The following CDH4 variants were observed in gnomAD, a reference collection of about 807,000 sequenced individuals.
CDH4 encodes cadherin-4.
In CDH4, 33 loss-of-function variants were observed where a neutral mutation model predicts 86.0. That is an observed-to-expected ratio of 0.38 (90% confidence interval 0.29 to 0.51). The LOEUF is 0.51. CDH4 is among the 20% of genes least tolerant of loss of function. The pLI, the probability that CDH4 is intolerant of heterozygous loss-of-function variation, is 0.86. For missense variants in CDH4, 1,114 were observed against 1,307.4 expected (o/e 0.85, Z 2.28); for synonymous variants, 555 against 549.4 (o/e 1.01, Z -0.14).
At chr20:61,538,580 T>C (rs115080312) in intron 2 of CDH4, among the ~76,000 whole-genome samples, 2,299 of 152,212 alleles carry the variant, frequency 0.015, 66 homozygotes, top group African/African-American at 0.053. Flanking sequence ...GCCTCCTGGG[T>C]GGATGCAGTG....
At chr20:61,386,275 C>T (rs1362071663) in intron 2 of CDH4, among the ~76,000 whole-genome samples, 12 of 152,284 alleles carry the variant, frequency 7.9e-5, no homozygotes, top group Admixed American at 2.6e-4. Context: ...CAAAACCTCT[C>T]GGTCTCCTCC....
chr20:61,685,958 C>A (rs764232857), intron 2 of CDH4, among the ~76,000 whole-genome samples: 1 of 152,240 alleles, frequency 6.6e-6, no homozygotes, highest in Non-Finnish European at 1.5e-5. Flanking sequence ...TTTCCAAACC[C>A]CTCTCCTGCC....
chr20:61,775,755 G>A (rs774395725), intron 4 of CDH4, among the ~76,000 whole-genome samples: 2 of 152,156 alleles, frequency 1.3e-5, no homozygotes, highest in African/African-American at 2.4e-5. Flanking sequence ...CCACAGAGTG[G>A]GTACCAGCGG....
At chr20:61,596,873 G>T (rs895802191) in intron 2 of CDH4, among the ~76,000 whole-genome samples, 2 of 152,068 alleles carry the variant, frequency 1.3e-5, no homozygotes, top group African/African-American at 4.8e-5. Flanking sequence ...CCTGTGACCC[G>T]CCCACCTTTA....
intron 2 of CDH4, among the ~76,000 whole-genome samples, chr20:61,653,365 T>C (rs565920555): frequency 0.029 from 3,845 of 134,796 alleles, 111 homozygotes; most frequent in Admixed American, 0.088. Flanking sequence ...AACCATCCGA[T>C]TTCTCAATCT....
At chr20:61,846,800 C>T (rs984545109) in intron 5 of CDH4, among the ~76,000 whole-genome samples, 1 of 152,106 alleles carries the variant, frequency 6.6e-6, no homozygotes, top group African/African-American at 2.4e-5. Context: ...CGGGGTCAGC[C>T]CACTTCTTCC....
In CDH4 at chr20:61,937,178, C is replaced by A; in HGVS notation, c.*235C>A. On this transcript the variant is annotated 3_prime_UTR_variant, in exon 16 of 16. Coordinates refer to ENST00000614565, the MANE Select transcript of CDH4 (RefSeq NM_001794.5). ...GCACTGAAGGACAGCAAGAGGCACT[C>A]TGTCTTCACTTGAATTTCCTAGAAC... 4.5e-6 allele frequency: 1 copy of A among 219,916 alleles called. No homozygotes were observed. Among genetic ancestry groups the A allele is most frequent in the Non-Finnish European group, 8.4e-6 (1 of 119,636 alleles). The allele number at this position is 219,916 out of a possible 1,614,324, so 13.6% of individuals were successfully genotyped here. A position where few individuals can be genotyped will look rare whatever the true frequency, so the allele number is the denominator to read the frequency against.
chr20:61,804,067 G>A (rs1199854176), intron 4 of CDH4, among the ~76,000 whole-genome samples: 1 of 152,240 alleles, frequency 6.6e-6, no homozygotes, highest in Non-Finnish European at 1.5e-5. Context: ...CTCTCCACAC[G>A]AGCTTGTTGT....
intron 2 of CDH4, among the ~76,000 whole-genome samples, chr20:61,443,966 A>ATATG: frequency 6.8e-6 from 1 of 147,214 alleles, no homozygotes; most frequent in African/African-American, 2.5e-5. Flanking sequence ...CTGTGTGTGT[A>ATATG]TCTGTGTGTG....
intron 2 of CDH4, among the ~76,000 whole-genome samples, chr20:61,720,405 G>A (rs1340750303): frequency 3.5e-5 from 5 of 144,396 alleles, no homozygotes; most frequent in Non-Finnish European, 7.6e-5. Context: ...GCAGGGGTGC[G>A]AAGTGTAAGT....
Position 61,810,852 on chromosome 20 carries a change from T to C in CDH4, c.577-33816T>C, listed in dbSNP as rs1165071273. On this transcript the variant is annotated intron_variant, in intron 4 of 15. Coordinates refer to ENST00000614565, the MANE Select transcript of CDH4 (RefSeq NM_001794.5). This position sits in a 1 kb window ranked among gnomAD's most constrained non-coding sequence, Gnocchi z 4.3. ...GCTGCTCAACAGAGCCACTGCCCCT[T>C]GGCCCGGCTTCTCCAGAACGCAGCC... 6.6e-6 allele frequency among the ~76,000 whole-genome samples: 1 copy of C among 152,072 alleles called. No homozygotes were observed. Among genetic ancestry groups the C allele is most frequent in the Admixed American group, 6.5e-5 (1 of 15,276 alleles).
At chr20:61,460,419 C>T (rs947657122) in intron 2 of CDH4, among the ~76,000 whole-genome samples, 4 of 152,320 alleles carry the variant, frequency 2.6e-5, no homozygotes, top group Non-Finnish European at 5.9e-5. Context: ...TGCCTGGCCT[C>T]ATTGGAGAAA....
chr20:61,568,844 C>A (rs2086320569), intron 2 of CDH4, among the ~76,000 whole-genome samples: 1 of 152,206 alleles, frequency 6.6e-6, no homozygotes, highest in African/African-American at 2.4e-5. Flanking sequence ...AGCTCACGCA[C>A]CTGCATTGCA....
intron 2 of CDH4, among the ~76,000 whole-genome samples, chr20:61,707,349 C>T (rs1053880137): frequency 1.2e-4 from 18 of 152,252 alleles, no homozygotes; most frequent in Admixed American, 8.5e-4. Flanking sequence ...GTGTGCTTTG[C>T]GCGGCTTGGA....
At chr20:61,607,466 T>TA (rs962193946) in intron 2 of CDH4, among the ~76,000 whole-genome samples, 1 of 152,104 alleles carries the variant, frequency 6.6e-6, no homozygotes, top group Non-Finnish European at 1.5e-5. Flanking sequence ...CTTATAGACT[T>TA]AAAAAAATGG....
At chr20:61,883,485 A>G (rs1477864940) in intron 7 of CDH4, among the ~76,000 whole-genome samples, 2 of 151,838 alleles carry the variant, frequency 1.3e-5, no homozygotes, top group Non-Finnish European at 2.9e-5. Context: ...AGTGCCCAGG[A>G]CACCCCACAG....
intron 7 of CDH4, among the ~76,000 whole-genome samples, chr20:61,894,231 A>T (rs1473668046): frequency 6.6e-6 from 1 of 152,134 alleles, no homozygotes; most frequent in Non-Finnish European, 1.5e-5. Context: ...GGATTTTGGC[A>T]CTGATGGACT....
rs536207733 is a variant in CDH4 at position 61,471,487 on chromosome 20, A to AT, written c.169+216558dup. 2.8e-3 allele frequency among the ~76,000 whole-genome samples: 355 copies of AT among 124,738 alleles called. 3 individuals carry two copies. The highest frequency in any genetic ancestry group is 0.021 in the South Asian group (80 of 3,858). 81.8% of individuals were successfully genotyped at this position (124,738 alleles called of 152,430 possible). A position where few individuals can be genotyped will look rare whatever the true frequency, so the allele number is the denominator to read the frequency against. On this transcript the variant is annotated intron_variant, in intron 2 of 15. Transcript: ENST00000614565. ...TTAAAACCCAGCTTTCATTTCATTG[A>AT]TTTTTTTTGTATTTTTTTTCAATTT...
intron 2 of CDH4, among the ~76,000 whole-genome samples, chr20:61,402,151 T>A (rs533012961): frequency 6.6e-6 from 1 of 152,302 alleles, no homozygotes; most frequent in South Asian, 2.1e-4. Flanking sequence ...TCTCTCAGTA[T>A]CTGTGGAGGA....
Sources: gnomAD v4.1 joint callset for allele counts (sites outside exome capture counted in the v4.1 genomes callset) on GRCh38, gnomAD v4.1.1 for gene constraint, Gnocchi (gnomAD v3.1) non-coding constraint, MANE v1.5 for transcripts, NCBI Gene and HGNC (gene_info 2026-07-23, HGNC 2026-07-21) for gene names.